The following SEMG1 variants were observed in gnomAD, a reference collection of about 807,000 sequenced individuals.
SEMG1 encodes semenogelin 1, also known as semenogelin-1.
A neutral mutation model predicts 8.8 loss-of-function variants in SEMG1; 6 were observed. The ratio of observed to expected loss-of-function variants is 0.68; its 90% CI spans 0.37 to 1.35. The LOEUF (loss-of-function observed/expected upper bound fraction) is 1.35. Among genes scored for constraint, SEMG1 ranks in the 40% most tolerant of loss-of-function variants. SEMG1 has a pLI of 0.02. For synonymous variants in SEMG1, 221 were observed against 190.3 expected, an observed-to-expected ratio of 1.16 and a Z score of -1.33; for missense variants, 580 against 533.6, an observed-to-expected ratio of 1.09 and a Z score of -0.86.
rs776076348 is a variant in SEMG1, at chr20:45,208,540, C to G, written c.1243C>G (p.Gln415Glu). The stretch of plus-strand genomic sequence containing the variant: ...GTCTGGCCAATCTACAAATAGAGAA[C>G]AAGACCTACTCAGTCATGAACAAAA... ...GESGQSTNRE[Q>E]DLLSHEQKGR... Residue 415 changes from glutamine to glutamate, a missense_variant, in exon 2 of 3, where the codon CAA becomes GAA. Coordinates refer to ENST00000372781, the MANE Select transcript of SEMG1 (RefSeq NM_003007.5). The G allele has an allele frequency of 1.9e-6, 3 of 1,614,004 alleles. No individual in the cohort carries two copies. The highest frequency in any genetic ancestry group is 1.7e-5 in the Admixed American group (1 of 59,990).
rs1983734598 is a variant in SEMG1, at chr20:45,207,799, G to A, written c.502G>A (p.Val168Ile). ...QYSNTEERLW[V>I]HGLSKEQTSV... ...TTCAAACACAGAAGAAAGGCTGTGG[G>A]TTCATGGACTAAGTAAAGAACAAAC... Residue 168 changes from valine (V) to isoleucine (I), a missense_variant, in exon 2 of 3, where the codon GTT becomes ATT. By Grantham distance (29) the Val-to-Ile change is conservative (BLOSUM62 3). Transcript: ENST00000372781. 1.9e-6 allele frequency: 3 copies of A among 1,613,946 alleles called. No homozygotes were observed. The South Asian group carries it at 3.3e-5, about 18-fold the overall frequency.
In SEMG1 at chr20:45,208,568, G is replaced by A. The variant is rs758902411; in HGVS notation, c.1271G>A (p.Gly424Asp). The A allele has an allele frequency of 6.2e-6, 10 of 1,613,820 alleles. No homozygotes were observed. In the African/African-American group the frequency reaches 6.7e-5, roughly 11 times the overall value. The change falls in exon 2 of 3, where the codon GGC becomes GAC. Residue 424 changes from glycine to aspartate, a missense_variant. By Grantham distance (94) the Gly-to-Asp change is moderately conservative (BLOSUM62 -1). Coordinates refer to ENST00000372781, the MANE Select transcript of SEMG1 (RefSeq NM_003007.5). ...EQDLLSHEQK[G>D]RHQHGSHGGL... ...GACCTACTCAGTCATGAACAAAAAG[G>A]CAGACACCAACATGGATCTCATGGG...
chr20:45,208,632 T>G lies in SEMG1; in HGVS notation c.1335T>G (p.Ser445Arg), dbSNP rs1281243141. ...TAATTATAGAGCAGGAAGATGACAGTGATCGTCATTTGGCACAACATCTTA... is the reference window on the plus strand; with the variant it reads ...TAATTATAGAGCAGGAAGATGACAGGGATCGTCATTTGGCACAACATCTTA... The part of the protein sequence containing the change: ...DIVIIEQEDD[S>R]DRHLAQHLNN... The change falls in exon 2 of 3, where the codon AGT becomes AGG. Residue 445 changes from serine to arginine, a missense_variant. Coordinates refer to ENST00000372781, the MANE Select transcript of SEMG1 (RefSeq NM_003007.5). The G allele has an allele frequency of 6.2e-7, 1 of 1,612,716 alleles. No individual in the cohort carries two copies. Among genetic ancestry groups the G allele is most frequent in the African/African-American group, 1.3e-5 (1 of 74,856 alleles).
chr20:45,207,305 G>T (rs960475267), intron 1 of SEMG1, 69 bp from the exon 2 acceptor site: 57 of 1,452,954 alleles, frequency 3.9e-5, no homozygotes, highest in Non-Finnish European at 5.0e-5. Context: ...TGGGGGAAAA[G>T]TGGGGGGTAA....
rs143177901 is a variant in SEMG1, at chr20:45,208,579, C to G, written c.1282C>G (p.His428Asp). ...TCATGAACAAAAAGGCAGACACCAACATGGATCTCATGGGGGATTGGATAT... is the reference window on the plus strand; with the variant it reads ...TCATGAACAAAAAGGCAGACACCAAGATGGATCTCATGGGGGATTGGATAT... ...LSHEQKGRHQ[H>D]GSHGGLDIVI... Residue 428 changes from histidine (H) to aspartate (D), a missense_variant, in exon 2 of 3, where the codon CAT (histidine) becomes GAT (aspartate). Physicochemically the swap from His to Asp is moderately conservative, Grantham distance 81 (BLOSUM62 -1). Coordinates refer to ENST00000372781, the MANE Select transcript of SEMG1 (RefSeq NM_003007.5). The G allele has an allele frequency of 4.8e-5, 77 of 1,613,942 alleles. No individual in the cohort carries two copies. The African/African-American group carries it at 9.3e-4, about 20-fold the overall frequency.
Position 45,208,592 on chromosome 20 carries a change from G to A in SEMG1, c.1295G>A (p.Gly432Glu), listed in dbSNP as rs1180911351. 1.9e-6 allele frequency: 3 copies of A among 1,613,822 alleles called. No individual in the cohort carries two copies. Among genetic ancestry groups the A allele is most frequent in the Admixed American group, 3.3e-5 (2 of 59,998 alleles). The change falls in exon 2 of 3, where the codon GGG (glycine) becomes GAG (glutamate). Residue 432 changes from glycine (G) to glutamate (E), a missense_variant. Transcript: ENST00000372781. ...GGCAGACACCAACATGGATCTCATG[G>A]GGGATTGGATATTGTAATTATAGAG... is the stretch of plus-strand genomic sequence containing the variant. ...QKGRHQHGSH[G>E]GLDIVIIEQE...
At position 45,207,699 on chromosome 20, in the gene SEMG1, A is replaced by G; in HGVS notation, c.402A>G (p.Lys134=). The G allele has an allele frequency of 6.2e-7, 1 of 1,614,044 alleles. No individual in the cohort carries two copies. Among genetic ancestry groups the G allele is most frequent in the East Asian group, 2.2e-5 (1 of 44,884 alleles). Residue 134 remains lysine, a synonymous_variant, in exon 2 of 3, where the codon AAA becomes AAG. Transcript: ENST00000372781. ...HRVVIHHKGG[K]AHRGTQNPSQ... ...TAGTTATACACCATAAAGGAGGCAA[A>G]GCTCATCGTGGGACACAAAATCCTT...
At chr20:45,208,930 A>G (rs372959739) in intron 2 of SEMG1, among the ~76,000 whole-genome samples, 200 bp downstream of exon 2, 5 of 152,222 alleles carry the variant, frequency 3.3e-5, no homozygotes, top group Admixed American at 6.5e-5. Flanking sequence ...TTGGCCTATC[A>G]TGAGGTCCTA....
rs759999076 is a variant in SEMG1, at chr20:45,207,567, A to G, written c.270A>G (p.Leu90=). The change falls in exon 2 of 3, where the codon CTA becomes CTG. Residue 90 remains leucine (L), a synonymous_variant. Coordinates refer to ENST00000372781, the MANE Select transcript of SEMG1 (RefSeq NM_003007.5). ...GTCAGCAATATGATTTGAATGCCCTACATAAGACGACAAAATCACAACGAC... is the reference window on the plus strand; with the variant it reads ...GTCAGCAATATGATTTGAATGCCCTGCATAAGACGACAAAATCACAACGAC... ...RKSQQYDLNA[L]HKTTKSQRHL... 24 of 1,613,826 alleles carry G rather than the reference A, an allele frequency of 1.5e-5. No individual in the cohort carries two copies. Among genetic ancestry groups the G allele is most frequent in the Non-Finnish European group, 2.0e-5 (24 of 1,179,840 alleles).
rs368069437 is a variant in SEMG1 at position 45,208,348 on chromosome 20, T to C, written c.1051T>C (p.Ser351Pro). 2.9e-5 allele frequency: 47 copies of C among 1,611,364 alleles called. 1 individual carries two copies. Among genetic ancestry groups the C allele is most frequent in the Middle Eastern group, 3.3e-4 (2 of 6,048 alleles). Residue 351 changes from serine to proline, a missense_variant, in exon 2 of 3, where the codon TCA becomes CCA. Coordinates refer to ENST00000372781, the MANE Select transcript of SEMG1 (RefSeq NM_003007.5). The stretch of plus-strand genomic sequence containing the variant: ...GGCAAATAAAATATCATACCAATCT[T>C]CAAGTACGGAAGAAAGACGACTCCA... ...QKANKISYQS[S>P]STEERRLHYG...
chr20:45,207,549 A>G lies in SEMG1; in HGVS notation c.252A>G (p.Gln84=). The change falls in exon 2 of 3, where the codon CAA becomes CAG. Residue 84 remains glutamine, a synonymous_variant. Coordinates refer to ENST00000372781, the MANE Select transcript of SEMG1 (RefSeq NM_003007.5). The stretch of plus-strand genomic sequence containing the variant: ...ATGACCAGTCCCGAAAAAGTCAGCA[A>G]TATGATTTGAATGCCCTACATAAGA... ...NDHDQSRKSQ[Q]YDLNALHKTT... 1.2e-6 allele frequency: 2 copies of G among 1,613,916 alleles called. No homozygotes were observed. Among genetic ancestry groups the G allele is most frequent in the Non-Finnish European group, 1.7e-6 (2 of 1,179,856 alleles).
In SEMG1 at chr20:45,207,798, G is replaced by C. The variant is rs771471850; in HGVS notation, c.501G>C (p.Trp167Cys). The C allele has an allele frequency of 1.2e-6, 2 of 1,613,922 alleles. No homozygotes were observed. Among genetic ancestry groups the C allele is most frequent in the Non-Finnish European group, 1.7e-6 (2 of 1,179,928 alleles). The change falls in exon 2 of 3, where the codon TGG (tryptophan) becomes TGC (cysteine). Residue 167 changes from tryptophan to cysteine, a missense_variant. Coordinates refer to ENST00000372781, the MANE Select transcript of SEMG1 (RefSeq NM_003007.5). ...SQYSNTEERLWVHGLSKEQTS... is the reference protein window; with the variant it reads ...SQYSNTEERLCVHGLSKEQTS... ...ATTCAAACACAGAAGAAAGGCTGTG[G>C]GTTCATGGACTAAGTAAAGAACAAA...
chr20:45,208,076 TC>T lies in SEMG1; in HGVS notation c.781del (p.Leu261Ter). 7 of 1,613,680 alleles carry T rather than the reference TC, an allele frequency of 4.3e-6. No individual in the cohort carries two copies. The highest frequency in any genetic ancestry group is 5.9e-6 in the Non-Finnish European group (7 of 1,179,862). ...GACATTTTTTCTACCCAAGATGAGC[TC>T]CTAGTATATAACAAGAATCAACACC... is the stretch of plus-strand genomic sequence containing the variant. ...SKDIFSTQDE[L>X]LVYNKNQHQT... On this transcript the variant is annotated frameshift_variant, in exon 2 of 3. Transcript: ENST00000372781. LOFTEE classifies it low-confidence loss of function (END_TRUNC).
Position 45,208,118 on chromosome 20 carries a change from A to G in SEMG1, c.821A>G (p.Asn274Ser), listed in dbSNP as rs1282701963. ...NKNQHQTKNL[N>S]QDQQHGRKAN... ...AATCAACACCAGACAAAAAATCTCA[A>G]TCAAGATCAACAGCATGGCCGAAAG... The change falls in exon 2 of 3, where the codon AAT becomes AGT. Residue 274 changes from asparagine to serine, a missense_variant. Asn to Ser is a conservative substitution (Grantham distance 46, BLOSUM62 1). Transcript: ENST00000372781. 1.9e-6 allele frequency: 3 copies of G among 1,614,078 alleles called. No homozygotes were observed. Among genetic ancestry groups the G allele is most frequent in the East Asian group, 4.5e-5 (2 of 44,882 alleles).
rs985236215 is a variant in SEMG1 at position 45,208,311 on chromosome 20, G to A, written c.1014G>A (p.Glu338=). ...KQITIPSQEQ[E]HSQKANKISY... The stretch of plus-strand genomic sequence containing the variant: ...TAACAATTCCCAGTCAAGAGCAAGA[G>A]CATAGCCAAAAGGCAAATAAAATAT... Residue 338 remains glutamate, a synonymous_variant, in exon 2 of 3, where the codon GAG becomes GAA. Transcript: ENST00000372781. 6.2e-7 allele frequency: 1 copy of A among 1,610,862 alleles called. No individual in the cohort carries two copies. Among genetic ancestry groups the A allele is most frequent in the Admixed American group, 1.7e-5 (1 of 59,786 alleles).
chr20:45,207,957 C>T lies in SEMG1; in HGVS notation c.660C>T (p.Tyr220=). Residue 220 remains tyrosine (Y), a synonymous_variant, in exon 2 of 3, where the codon TAC becomes TAT. Coordinates refer to ENST00000372781, the MANE Select transcript of SEMG1 (RefSeq NM_003007.5). ...TKNSHQNKGH[Y]QNVVEVREEH... ...ATTCTCATCAAAATAAAGGGCATTACCAAAATGTGGTTGAAGTGAGAGAGG... is the reference window on the plus strand; with the variant it reads ...ATTCTCATCAAAATAAAGGGCATTATCAAAATGTGGTTGAAGTGAGAGAGG... 6.2e-7 allele frequency: 1 copy of T among 1,613,912 alleles called. No homozygotes were observed. Among genetic ancestry groups the T allele is most frequent in the Non-Finnish European group, 8.5e-7 (1 of 1,179,938 alleles).
Position 45,207,676 on chromosome 20 carries a change from G to A in SEMG1, c.379G>A (p.Val127Ile). The A allele has an allele frequency of 6.2e-7, 1 of 1,613,978 alleles. No homozygotes were observed. The highest frequency in any genetic ancestry group is 1.3e-5 in the African/African-American group (1 of 75,028). Reference protein sequence around the residue: ...DKSKGHFHRVVIHHKGGKAHR... With the variant: ...DKSKGHFHRVIIHHKGGKAHR... ...ATCAAAAGGTCATTTTCACAGGGTAGTTATACACCATAAAGGAGGCAAAGC... is the reference window on the plus strand; with the variant it reads ...ATCAAAAGGTCATTTTCACAGGGTAATTATACACCATAAAGGAGGCAAAGC... The change falls in exon 2 of 3, where the codon GTT becomes ATT. Residue 127 changes from valine (V) to isoleucine (I), a missense_variant. By Grantham distance (29) the Val-to-Ile change is conservative. Transcript: ENST00000372781.
rs754236424 is a variant in SEMG1 at position 45,207,672 on chromosome 20, G to T, written c.375G>T (p.Arg125Ser). The T allele has an allele frequency of 5.0e-6, 8 of 1,613,818 alleles. No homozygotes were observed. In the Admixed American group the frequency reaches 1.3e-4, roughly 27 times the overall value. Residue 125 changes from arginine to serine, a missense_variant, in exon 2 of 3, where the codon AGG becomes AGT. Transcript: ENST00000372781. ...ATAAATCAAAAGGTCATTTTCACAG[G>T]GTAGTTATACACCATAAAGGAGGCA... ...DHDKSKGHFHRVVIHHKGGKA... is the reference protein window; with the variant it reads ...DHDKSKGHFHSVVIHHKGGKA...
At chr20:45,208,784 TG>T in intron 2 of SEMG1, 54 bp downstream of exon 2, 1 of 863,086 alleles carries the variant, frequency 1.2e-6, no homozygotes, top group Non-Finnish European at 1.8e-6. Flanking sequence ...TTAGAATTGT[TG>T]GGGACTCTCC....
Sources: allele counts gnomAD v4.1 joint callset (sites outside exome capture counted in the v4.1 genomes callset), GRCh38; gene constraint gnomAD v4.1.1; transcripts MANE v1.5; gene names NCBI Gene and HGNC (gene_info 2026-07-23, HGNC 2026-07-21).